The following CCT6B variants were observed in gnomAD, a reference collection of about 807,000 sequenced individuals.
CCT6B encodes probable T-complex protein 1 subunit zeta-2.
Under a neutral mutation model 61.5 loss-of-function variants are expected in CCT6B, and 49 were observed. That is an observed-to-expected ratio of 0.80 (90% CI 0.63 to 1.01). CCT6B has a LOEUF of 1.01. CCT6B is among the 50% of genes least tolerant of loss of function. CCT6B has a pLI of 0.00. For synonymous variants in CCT6B, 228 were observed against 214.5 expected (o/e 1.06, Z -0.55); for missense variants, 666 against 634.7 (o/e 1.05, Z -0.53).
Position 34,952,047 on chromosome 17 carries a change from C to A in CCT6B, c.517G>T (p.Val173Leu). 1.3e-6 allele frequency: 2 copies of A among 1,591,978 alleles called. No individual in the cohort carries two copies. The highest frequency in any genetic ancestry group is 1.1e-5 in the South Asian group (1 of 90,010). Reference protein sequence around the residue: ...ELADVLTEVVVDSVLAVRRPG... With the variant: ...ELADVLTEVVLDSVLAVRRPG... The stretch of plus-strand genomic sequence containing the variant: ...CTTCTAACAGCCAAAACAGAATCCA[C>A]CACAACCTGAAAGAGAAATGAATGA... The change falls in exon 5 of 14, where the codon GTG becomes TTG. Residue 173 changes from valine (V) to leucine (L), a missense_variant. Coordinates refer to ENST00000314144, the MANE Select transcript of CCT6B (RefSeq NM_006584.4).
At chr17:34,939,575 C>G (rs2090136617) in intron 9 of CCT6B, 42 bp downstream of exon 9, 1 of 1,231,460 alleles carries the variant, frequency 8.1e-7, no homozygotes, top group African/African-American at 1.5e-5. Flanking sequence ...AAAAAGGGGG[C>G]TTAGTATTCA....
rs774461219 is a variant in CCT6B, at chr17:34,942,884, C to A, written c.637G>T (p.Asp213Tyr). ...ATATCTGGATGACGGGCACCATGAT[C>A]CAAAACTAATCCTTGGATCAACCTA... The part of the protein sequence containing the change: ...DTKLIQGLVL[D>Y]HGARHPDMKK... Residue 213 changes from aspartate (D) to tyrosine (Y), a missense_variant, in exon 6 of 14, where the codon GAT becomes TAT. By Grantham distance (160) the Asp-to-Tyr change is radical. Coordinates refer to ENST00000314144, the MANE Select transcript of CCT6B (RefSeq NM_006584.4). 1 of 1,605,322 alleles carries A rather than the reference C, an allele frequency of 6.2e-7. No individual in the cohort carries two copies. The highest frequency in any genetic ancestry group is 1.7e-5 in the Admixed American group (1 of 59,452).
chr17:34,948,851 G>A (rs2090255955), intron 5 of CCT6B, among the ~76,000 whole-genome samples: 1 of 151,684 alleles, frequency 6.6e-6, no homozygotes, highest in African/African-American at 2.4e-5. Context: ...TGGGCAACAT[G>A]GCAAAACCCT....
intron 3 of CCT6B, among the ~76,000 whole-genome samples, chr17:34,956,700 T>C (rs1389417084): frequency 6.6e-6 from 1 of 152,160 alleles, no homozygotes. Context: ...GTTGGCCCAA[T>C]CATACTAAAG....
intron 12 of CCT6B, 86 bp downstream of exon 12, chr17:34,930,863 C>G (rs2090027134): frequency 1.8e-6 from 1 of 564,938 alleles, no homozygotes. Flanking sequence ...TTAAAGTTAC[C>G]CAAACCTCTA....
chr17:34,961,349 C>T lies in CCT6B; in HGVS notation c.45G>A (p.Arg15=), dbSNP rs372665098. 9 of 1,612,134 alleles carry T rather than the reference C, an allele frequency of 5.6e-6. No homozygotes were observed. The African/African-American group carries it at 1.2e-4, about 22-fold the overall frequency. Residue 15 remains arginine, a synonymous_variant, in exon 1 of 14, where the codon CGG becomes CGA. Transcript: ENST00000314144. ...KAVNSKAEVA[R]ARAALAVNIC... ...TATTGACAGCCAAAGCTGCCCGGGC[C>T]CGCGCCACCTCAGCCTTGGAGTTGA...
At chr17:34,938,200 T>C (rs1420782730) in intron 10 of CCT6B, among the ~76,000 whole-genome samples, 1 of 152,062 alleles carries the variant, frequency 6.6e-6, no homozygotes, top group Non-Finnish European at 1.5e-5. Flanking sequence ...AACAATCCAA[T>C]TATTTAAAAG....
chr17:34,952,828 A>G, intron 4 of CCT6B, among the ~76,000 whole-genome samples: 1 of 152,238 alleles, frequency 6.6e-6, no homozygotes, highest in East Asian at 1.9e-4. Flanking sequence ...CTGAGGTGAC[A>G]TAATATTTTA....
At chr17:34,940,994 T>C (rs2090158128) in intron 7 of CCT6B, among the ~76,000 whole-genome samples, 1 of 152,186 alleles carries the variant, frequency 6.6e-6, no homozygotes, top group African/African-American at 2.4e-5. Context: ...GTATTCAATT[T>C]GGAATGATAT....
At chr17:34,940,659 T>A in intron 7 of CCT6B, 38 bp from the exon 8 acceptor site, 2 of 1,110,402 alleles carry the variant, frequency 1.8e-6, no homozygotes, top group Non-Finnish European at 2.6e-6. Context: ...AAACATGTTT[T>A]AAACCAGTAT....
chr17:34,933,792 C>A (rs545545252), intron 10 of CCT6B, among the ~76,000 whole-genome samples: 19 of 152,056 alleles, frequency 1.2e-4, no homozygotes, highest in African/African-American at 4.6e-4. Flanking sequence ...ATATTAGGAA[C>A]GAAGAAAGTT....
chr17:34,950,815 G>C (rs1202846996), intron 5 of CCT6B, among the ~76,000 whole-genome samples: 4 of 152,080 alleles, frequency 2.6e-5, no homozygotes, highest in Non-Finnish European at 2.9e-5. Flanking sequence ...TGTAGTCCCA[G>C]CTACTCAGAA....
intron 3 of CCT6B, 78 bp downstream of exon 3, chr17:34,958,478 ACTGT>A: frequency 2.7e-6 from 2 of 744,758 alleles, no homozygotes; most frequent in Non-Finnish European, 3.9e-6. Context: ...AACAAAATTA[ACTGT>A]CTAAAACTCA....
chr17:34,931,489 TGAG>T (rs2090035248), intron 11 of CCT6B, among the ~76,000 whole-genome samples: 1 of 152,172 alleles, frequency 6.6e-6, no homozygotes, highest in African/African-American at 2.4e-5. Context: ...CTCATCTTCA[TGAG>T]GAGAGTCACG....
At chr17:34,938,420 T>C (rs979477844) in intron 10 of CCT6B, among the ~76,000 whole-genome samples, 1 of 151,564 alleles carries the variant, frequency 6.6e-6, no homozygotes, top group African/African-American at 2.4e-5. Context: ...AAATTAAAAA[T>C]TAGCCAGGTG....
Position 34,956,932 on chromosome 17 carries a change from C to T in CCT6B, c.336+1628G>A, listed in dbSNP as rs138855413. 6.4e-3 allele frequency among the ~76,000 whole-genome samples: 978 copies of T among 152,074 alleles called. 7 individuals are homozygous for T. The highest frequency in any genetic ancestry group is 0.023 in the African/African-American group (936 of 41,482). ...TCAGGCAATCCTCCTGCCTCAGCCT[C>T]CCAAGTAGCCAGGACCACATGCAGC... On this transcript the variant is annotated intron_variant, in intron 3 of 13. Transcript: ENST00000314144.
intron 4 of CCT6B, among the ~76,000 whole-genome samples, chr17:34,953,256 C>T (rs757045006): frequency 6.6e-6 from 1 of 150,790 alleles, no homozygotes; most frequent in Non-Finnish European, 1.5e-5. Flanking sequence ...ATAATGATAT[C>T]AAATCATTGC....
intron 1 of CCT6B, among the ~76,000 whole-genome samples, chr17:34,960,600 G>A (rs1160604587): frequency 1.3e-5 from 2 of 152,302 alleles, no homozygotes; most frequent in African/African-American, 2.4e-5. Flanking sequence ...CTTAAGAACA[G>A]AAACCGTTAT....
chr17:34,931,738 G>A (rs1043435303), intron 11 of CCT6B, among the ~76,000 whole-genome samples: 1 of 152,138 alleles, frequency 6.6e-6, no homozygotes, highest in African/African-American at 2.4e-5. Flanking sequence ...AATTAGCAAA[G>A]AGATTTTGCT....
Sources: gnomAD v4.1 joint callset for allele counts (sites outside exome capture counted in the v4.1 genomes callset) on GRCh38, gnomAD v4.1.1 for gene constraint, MANE v1.5 for transcripts, NCBI Gene and HGNC (gene_info 2026-07-23, HGNC 2026-07-21) for gene names.